Variants in TCF20 observed in about 807,000 individuals in gnomAD.
TCF20 encodes transcription factor 20, also known as SPRE-binding protein.
TCF20 carries 3 observed loss-of-function variants against 148.6 expected under a neutral mutation model. That is an observed-to-expected ratio of 0.02 (90% CI 0.01 to 0.05). The LOEUF is 0.05. Ranked by LOEUF, TCF20 falls within the 10% of genes least tolerant of loss-of-function variation. The pLI, the probability that TCF20 is intolerant of heterozygous loss-of-function variation, is 1.00. For synonymous variants in TCF20, 1,049 were observed against 909.5 expected, an observed-to-expected ratio of 1.15 and a Z score of -2.76; for missense variants, 2,350 against 2,429.3, an observed-to-expected ratio of 0.97 and a Z score of 0.69.
chr22:42,239,646 G>A (rs1924217697), intron 1 of TCF20, among the ~76,000 whole-genome samples: 1 of 152,024 alleles, frequency 6.6e-6, no homozygotes, highest in Admixed American at 6.5e-5. Context: ...ATATTAGCCG[G>A]GCATGGTGGT....
upstream of TCF20, among the ~76,000 whole-genome samples, chr22:42,271,293 C>G (rs1222849510): frequency 6.6e-6 from 1 of 152,226 alleles, no homozygotes; most frequent in African/African-American, 2.4e-5. Context: ...GGAGGCCCAC[C>G]TACCTCACCT....
chr22:42,246,973 T>TA (rs745840080), intron 1 of TCF20, among the ~76,000 whole-genome samples: 3,485 of 59,866 alleles, frequency 0.058, 63 homozygotes, highest in African/African-American at 0.12. Flanking sequence ...CTCAAAAAAT[T>TA]AAAAAAAAAA....
chr22:42,215,358 G>GA lies in TCF20; in HGVS notation c.-36-18dup. 1 of 1,546,648 alleles carries GA rather than the reference G, an allele frequency of 6.5e-7. No homozygotes were observed. Among genetic ancestry groups the GA allele is most frequent in the East Asian group, 2.3e-5 (1 of 44,288 alleles). Reference sequence around the variant, plus strand: ...ACAGCCCTCCTAGAAATAGAAGAAAGAAAAACATTAGACACGCATCTCCTT... The same window carrying GA: ...ACAGCCCTCCTAGAAATAGAAGAAAGAAAAAACATTAGACACGCATCTCCTT... On this transcript the variant is annotated splice_polypyrimidine_tract_variant and intron_variant, in intron 1 of 5. Transcript: ENST00000677622.
intron 2 of TCF20, among the ~76,000 whole-genome samples, chr22:42,190,116 G>C (rs1410458213): frequency 6.6e-6 from 1 of 152,080 alleles, no homozygotes; most frequent in Non-Finnish European, 1.5e-5. Flanking sequence ...GGAAAAAAGG[G>C]CACGGTGGGG....
chr22:42,318,728 G>A (rs753427267), intron 1 of TCF20, among the ~76,000 whole-genome samples: 37 of 152,248 alleles, frequency 2.4e-4, no homozygotes, highest in Non-Finnish European at 4.7e-4. Flanking sequence ...CAGGGCTTAT[G>A]AGGGCACTGC....
chr22:42,303,210 G>A (rs1024352530), intron 1 of TCF20, among the ~76,000 whole-genome samples: 3 of 152,242 alleles, frequency 2.0e-5, no homozygotes, highest in East Asian at 1.9e-4. Flanking sequence ...GATTACAGGC[G>A]TGAGCCACCA....
chr22:42,240,038 G>C (rs1924256971), intron 1 of TCF20, among the ~76,000 whole-genome samples: 1 of 152,084 alleles, frequency 6.6e-6, no homozygotes. Context: ...GCTTCTAGGT[G>C]GTAATAATAA....
At chr22:42,242,494 G>T (rs962755750) in intron 1 of TCF20, among the ~76,000 whole-genome samples, 62 of 152,118 alleles carry the variant, frequency 4.1e-4, no homozygotes, top group African/African-American at 1.5e-3. Context: ...TCATATTAGG[G>T]GTTATCATAG....
chr22:42,316,089 CA>C (rs368898647), intron 1 of TCF20, among the ~76,000 whole-genome samples: 69 of 113,520 alleles, frequency 6.1e-4, no homozygotes, highest in African/African-American at 1.4e-3. Context: ...GTCTGAGTGA[CA>C]GAACAAGACT....
chr22:42,271,706 T>C (rs1926627857), upstream of TCF20, among the ~76,000 whole-genome samples: 1 of 152,060 alleles, frequency 6.6e-6, no homozygotes, highest in Non-Finnish European at 1.5e-5. Flanking sequence ...TGGCTAAAAT[T>C]GCCGATTCTA....
chr22:42,198,607 G>A (rs1466100626), intron 2 of TCF20, among the ~76,000 whole-genome samples: 1 of 151,444 alleles, frequency 6.6e-6, no homozygotes, highest in Non-Finnish European at 1.5e-5. Context: ...CTCATTTAGA[G>A]AATAATGACA....
At chr22:42,232,615 C>T (rs1341513408) in intron 1 of TCF20, among the ~76,000 whole-genome samples, 1 of 151,918 alleles carries the variant, frequency 6.6e-6, no homozygotes, top group Admixed American at 6.6e-5. Flanking sequence ...ATCACGAGGT[C>T]AGGAGATCGA....
chr22:42,211,564 GAGA>G lies in TCF20; in HGVS notation c.3739_3741del (p.Ser1247del). 1 of 1,614,226 alleles carries G rather than the reference GAGA, an allele frequency of 6.2e-7. No individual in the cohort carries two copies. Among genetic ancestry groups the G allele is most frequent in the Non-Finnish European group, 8.5e-7 (1 of 1,180,036 alleles). On this transcript the variant is annotated inframe_deletion, in exon 2 of 6. Transcript: ENST00000677622. ...CGCCTCCTCATGATTAAGGGGTTTTGAGAAGAATGATCCTCCTGGCCTGGAAGT... is the reference window on the plus strand; with the variant it reads ...CGCCTCCTCATGATTAAGGGGTTTTGAGAATGATCCTCCTGGCCTGGAAGT...
At chr22:42,225,217 A>T (rs1922765979) in intron 1 of TCF20, among the ~76,000 whole-genome samples, 1 of 152,018 alleles carries the variant, frequency 6.6e-6, no homozygotes. Flanking sequence ...GCTGGTCTTG[A>T]ACTCCTGACC....
In TCF20 at chr22:42,212,169, C is replaced by T. The variant is rs1455826217; in HGVS notation, c.3137G>A (p.Ser1046Asn). The part of the protein sequence containing the change: ...HMTFSERANR[S>N]SLHTPFSPNS... Reference sequence around the variant, plus strand: ...GGGAGAAAAGGGAGTGTGTAAAGAACTCCGGTTAGCCCTCTCTGAAAAGGT... The same window carrying T: ...GGGAGAAAAGGGAGTGTGTAAAGAATTCCGGTTAGCCCTCTCTGAAAAGGT... The change falls in exon 2 of 6, where the codon AGT becomes AAT. Residue 1046 changes from serine (S) to asparagine (N), a missense_variant. By Grantham distance (46) the Ser-to-Asn change is conservative. This residue lies in a region of TCF20 where 1,641 missense variants were observed against 1,662.6 expected (regional missense o/e 0.99). Coordinates refer to ENST00000677622, the MANE Select transcript of TCF20 (RefSeq NM_001378418.1). 1.2e-6 allele frequency: 2 copies of T among 1,614,212 alleles called. No individual in the cohort carries two copies. The highest frequency in any genetic ancestry group is 3.3e-5 in the Admixed American group (2 of 60,026).
At chr22:42,202,410 T>C (rs1938092506) in intron 2 of TCF20, among the ~76,000 whole-genome samples, 2 of 152,206 alleles carry the variant, frequency 1.3e-5, no homozygotes, top group Non-Finnish European at 2.9e-5. Context: ...ATACTTTGTA[T>C]GGTAAGGACA....
At chr22:42,269,321 G>C (rs1181148915) in intron 1 of TCF20, among the ~76,000 whole-genome samples, 5 of 152,130 alleles carry the variant, frequency 3.3e-5, no homozygotes, top group African/African-American at 1.2e-4. Context: ...AAAAGGAAAA[G>C]GGGGAAATCC....
chr22:42,169,132 G>A (rs540342510), intron 4 of TCF20, among the ~76,000 whole-genome samples: 1 of 150,316 alleles, frequency 6.7e-6, no homozygotes, highest in Non-Finnish European at 1.5e-5. Context: ...TGACCACCAG[G>A]TGTCAGTGTG....
chr22:42,167,823 A>G (rs1032485779), intron 5 of TCF20, among the ~76,000 whole-genome samples: 1 of 152,058 alleles, frequency 6.6e-6, no homozygotes, highest in African/African-American at 2.4e-5. Flanking sequence ...GGTTTGATCA[A>G]GTGATCCTCC....
Sources: gnomAD v4.1 joint callset for allele counts (sites outside exome capture counted in the v4.1 genomes callset) on GRCh38, gnomAD v4.1.1 for gene constraint, gnomAD v4.1.1 regional missense constraint, MANE v1.5 for transcripts, NCBI Gene and HGNC (gene_info 2026-07-23, HGNC 2026-07-21) for gene names.